MYLK: variants seen among roughly 807,000 people sequenced by gnomAD.
MYLK encodes the protein myosin light chain kinase.
In MYLK, 106 loss-of-function variants were observed where a neutral mutation model predicts 203.4. The ratio of observed to expected loss-of-function variants is 0.52; its 90% confidence interval spans 0.45 to 0.61. MYLK has a LOEUF of 0.61. Ranked by LOEUF, MYLK falls within the 20% of genes least tolerant of loss-of-function variation. MYLK has a pLI of 0.00. For synonymous variants in MYLK, 867 were observed against 959.5 expected, an observed-to-expected ratio of 0.90 and a Z score of 1.78; for missense variants, 2,072 against 2,442.3, an observed-to-expected ratio of 0.85 and a Z score of 3.20.
intron 2 of MYLK, among the ~76,000 whole-genome samples, chr3:123,840,595 A>C (rs2066568975): frequency 6.6e-6 from 1 of 151,870 alleles, no homozygotes. Context: ...AAATAAGATA[A>C]AGACATTATA....
intron 4 of MYLK, among the ~76,000 whole-genome samples, chr3:123,767,232 G>C (rs2108962763): frequency 6.6e-6 from 1 of 152,292 alleles, no homozygotes; most frequent in South Asian, 2.1e-4. Context: ...GGTAGGGCTT[G>C]GTCTCAGTAC....
chr3:123,678,522 G>A (rs557523490), intron 20 of MYLK, among the ~76,000 whole-genome samples: 1 of 151,930 alleles, frequency 6.6e-6, no homozygotes, highest in Non-Finnish European at 1.5e-5. Flanking sequence ...CAGCAGGGAG[G>A]GGGGTGTGCA....
rs957594750 is a variant in MYLK at position 123,869,775 on chromosome 3, A to T, written c.-127+6784T>A. ...AAGGGAGTGAACTGAAGTTCAGAGTAGTTAAATAATGTGCCCAGATTCACC... is the reference window on the plus strand; with the variant it reads ...AAGGGAGTGAACTGAAGTTCAGAGTTGTTAAATAATGTGCCCAGATTCACC... On this transcript the variant is annotated intron_variant, in intron 2 of 33. Transcript: ENST00000360304. Among the ~76,000 whole-genome samples, 13 of 152,280 alleles carry T rather than the reference A, an allele frequency of 8.5e-5. 1 individual carries two copies. The highest frequency in any genetic ancestry group is 2.4e-4 in the African/African-American group (10 of 41,570).
At chr3:123,698,198 G>A (rs1187690417) in intron 18 of MYLK, among the ~76,000 whole-genome samples, 2 of 152,108 alleles carry the variant, frequency 1.3e-5, no homozygotes, top group Non-Finnish European at 2.9e-5. Flanking sequence ...ACCTCCCAAC[G>A]CCAAACCTGC....
chr3:123,872,558 G>T (rs2032871796), intron 2 of MYLK, among the ~76,000 whole-genome samples: 1 of 152,116 alleles, frequency 6.6e-6, no homozygotes, highest in African/African-American at 2.4e-5. Context: ...CCCTTCTTGG[G>T]TTTGATAATT....
Position 123,734,241 on chromosome 3 carries a change from G to T in MYLK, c.774-19C>A. 4.0e-6 allele frequency: 6 copies of T among 1,485,762 alleles called. No homozygotes were observed. The highest frequency in any genetic ancestry group is 5.3e-6 in the Non-Finnish European group (6 of 1,122,482). 92.0% of individuals were successfully genotyped at this position (1,485,762 alleles called of 1,614,324 possible). ...AAATGACCTGTGTGGTGGTGAGGGT[G>T]GGGGTAGGGTGGGTGAGGAGAGGGG... is the stretch of plus-strand genomic sequence containing the variant. On this transcript the variant is annotated intron_variant, in intron 9 of 33. Coordinates refer to ENST00000360304, the MANE Select transcript of MYLK (RefSeq NM_053025.4).
intron 4 of MYLK, among the ~76,000 whole-genome samples, chr3:123,783,036 C>G (rs2064360365): frequency 6.6e-6 from 1 of 151,778 alleles, no homozygotes. Flanking sequence ...ACCACAATGA[C>G]AAATAGGTGA....
At chr3:123,853,126 G>C (rs937085486) in intron 2 of MYLK, among the ~76,000 whole-genome samples, 5 of 150,616 alleles carry the variant, frequency 3.3e-5, no homozygotes, top group Non-Finnish European at 4.4e-5. Flanking sequence ...TAACTCTAGA[G>C]AGAAAAAAAA....
rs1419408870 is a variant in MYLK, at chr3:123,667,032, G to A, written c.3703+105C>T. On this transcript the variant is annotated intron_variant, in intron 21 of 33. Coordinates refer to ENST00000360304, the MANE Select transcript of MYLK (RefSeq NM_053025.4). Reference sequence around the variant, plus strand: ...GAGGGTGGGGGTGGGGTTGCAGTGGGGTGTCTCCTGGGATCACATACCCAG... The same window carrying A: ...GAGGGTGGGGGTGGGGTTGCAGTGGAGTGTCTCCTGGGATCACATACCCAG... 139 of 1,039,764 alleles carry A rather than the reference G, an allele frequency of 1.3e-4. 2 individuals carry two copies. The highest frequency in any genetic ancestry group is 9.1e-4 in the South Asian group (72 of 79,378). 64.4% of individuals were successfully genotyped at this position (1,039,764 alleles called of 1,614,324 possible).
At chr3:123,815,646 C>T (rs1391870994) in intron 3 of MYLK, among the ~76,000 whole-genome samples, 4 of 152,138 alleles carry the variant, frequency 2.6e-5, no homozygotes, top group African/African-American at 9.7e-5. Flanking sequence ...CTATCTATGA[C>T]ATGGGTCCAC....
Position 123,700,663 on chromosome 3 carries a change from T to C in MYLK, c.2805A>G (p.Pro935=), listed in dbSNP as rs1158493986. ...FRANLQRQVK[P]KTVSEEERKV... ...TCCTCTCTTCCTCAGACACAGTCTT[T>C]GGCTTCACTTGCCGCTGCAGGTTGG... is the stretch of plus-strand genomic sequence containing the variant. The change falls in exon 18 of 34, where the codon CCA becomes CCG. Residue 935 remains proline, a synonymous_variant. Transcript: ENST00000360304. The C allele has an allele frequency of 1.2e-6, 2 of 1,614,066 alleles. No homozygotes were observed. The highest frequency in any genetic ancestry group is 2.2e-5 in the East Asian group (1 of 44,878).
Position 123,623,329 on chromosome 3 carries a change from T to C in MYLK, c.5239-2993A>G, listed in dbSNP as rs1417289085. 3 of 152,330 alleles carry C rather than the reference T, an allele frequency of 2.0e-5. No homozygotes were observed. The East Asian group carries it at 5.8e-4, about 29-fold the overall frequency. 9.4% of individuals were successfully genotyped at this position (152,330 alleles called of 1,614,324 possible). On this transcript the variant is annotated intron_variant, in intron 31 of 33. Transcript: ENST00000360304. ...AAGATGGCTACCTAAGGGCCTCTGA[T>C]GTCTAGTCTTTTGCTTCCAGTGTGC...
At chr3:123,809,170 G>A (rs183043689) in intron 3 of MYLK, among the ~76,000 whole-genome samples, 1 of 152,324 alleles carries the variant, frequency 6.6e-6, no homozygotes, top group East Asian at 1.9e-4. Flanking sequence ...CAACATTTCA[G>A]GGACAGGGTC....
intron 4 of MYLK, among the ~76,000 whole-genome samples, chr3:123,755,474 G>T (rs1263328146): frequency 1.3e-5 from 2 of 152,196 alleles, no homozygotes; most frequent in Non-Finnish European, 2.9e-5. Context: ...ACTTAAGAAA[G>T]TTGCAGTTCA....
chr3:123,663,382 C>T (rs1427591027), intron 23 of MYLK, among the ~76,000 whole-genome samples: 1 of 151,814 alleles, frequency 6.6e-6, no homozygotes, highest in African/African-American at 2.4e-5. Flanking sequence ...GAAGAACAGT[C>T]CCTGCAGACT....
Position 123,649,040 on chromosome 3 carries a change from T to C in MYLK, c.4346A>G (p.Tyr1449Cys). The C allele has an allele frequency of 6.2e-7, 1 of 1,614,190 alleles. No individual in the cohort carries two copies. Among genetic ancestry groups the C allele is most frequent in the South Asian group, 1.1e-5 (1 of 91,078 alleles). Residue 1449 changes from tyrosine (Y) to cysteine (C), a missense_variant, in exon 26 of 34, where the codon TAC becomes TGC. Around this residue, in one of 3 missense-constraint regions of MYLK, gnomAD observed 524 missense variants for 782.4 expected, o/e 0.67. Transcript: ENST00000360304. ...DDDEKEPEVD[Y>C]RTVTINTEQK... is the part of the protein sequence containing the mutation. The stretch of plus-strand genomic sequence containing the variant: ...TTCAGTATTGATTGTCACTGTCCGG[T>C]AATCAACCTCGGGCTCCTTCTCATC...
intron 24 of MYLK, among the ~76,000 whole-genome samples, chr3:123,653,134 A>G (rs1164410175): frequency 1.3e-5 from 2 of 152,096 alleles, no homozygotes; most frequent in African/African-American, 4.8e-5. Flanking sequence ...GCCGGGCTTC[A>G]TGGAGTGTGG....
At chr3:123,625,033 G>C (rs943421070) in intron 31 of MYLK, 3 of 152,142 alleles carry the variant, frequency 2.0e-5, no homozygotes, top group Non-Finnish European at 4.4e-5. Context: ...ATGCCCCTGG[G>C]TCCCTTGAGT....
chr3:123,832,708 G>C (rs2066371090), intron 2 of MYLK, among the ~76,000 whole-genome samples: 1 of 152,106 alleles, frequency 6.6e-6, no homozygotes. Flanking sequence ...GCCAAGTGAG[G>C]ACAAAGCAAC....
Sources: gnomAD v4.1 joint callset for allele counts (sites outside exome capture counted in the v4.1 genomes callset) on GRCh38, gnomAD v4.1.1 for gene constraint, gnomAD v4.1.1 regional missense constraint, MANE v1.5 for transcripts, NCBI Gene and HGNC (gene_info 2026-07-23, HGNC 2026-07-21) for gene names.